CDK5RAP1: variants seen among roughly 807,000 people sequenced by gnomAD.
The protein encoded by CDK5RAP1 is CDK5RAP1 mitochondrial tRNA methylthiotransferase, also known as mitochondrial tRNA methylthiotransferase CDK5RAP1.
Under a neutral mutation model 64.5 loss-of-function variants are expected in CDK5RAP1, and 62 were observed. The ratio of observed to expected loss-of-function variants is 0.96; its 90% CI spans 0.78 to 1.19. CDK5RAP1 has a LOEUF of 1.19. Ranked by LOEUF, CDK5RAP1 falls within the 50% of genes most tolerant of loss-of-function variation. The pLI, the probability that CDK5RAP1 is intolerant of heterozygous loss-of-function variation, is 0.00. For synonymous variants in CDK5RAP1, 250 were observed against 261.9 expected, an observed-to-expected ratio of 0.95 and a Z score of 0.44; for missense variants, 657 against 735.0, an observed-to-expected ratio of 0.89 and a Z score of 1.23.
chr20:33,375,615 C>CA (rs1012543278), intron 8 of CDK5RAP1, among the ~76,000 whole-genome samples: 1 of 151,714 alleles, frequency 6.6e-6, no homozygotes, highest in South Asian at 2.1e-4. Context: ...AAAAAACCTC[C>CA]AAAAAAAGGT....
In CDK5RAP1 at chr20:33,377,026, G is replaced by A. The variant is rs1393371464; in HGVS notation, c.1107+2435C>T. On this transcript the variant is annotated intron_variant, in intron 8 of 13. Transcript: ENST00000346416. ...CACTGGCTTCAACTTAAAGTCACCA[G>A]CTGCCTTGGCCCCTAACAAGAGAGT... is the stretch of plus-strand genomic sequence containing the variant. 9.2e-5 allele frequency among the ~76,000 whole-genome samples: 14 copies of A among 152,086 alleles called. 1 individual carries two copies.
In CDK5RAP1 at chr20:33,385,647, C is replaced by T. The variant is rs1325752771; in HGVS notation, c.876+3G>A. 1.2e-6 allele frequency: 2 copies of T among 1,613,990 alleles called. No homozygotes were observed. The highest frequency in any genetic ancestry group is 8.5e-7 in the Non-Finnish European group (1 of 1,179,918). ...CAGCAAGAAAGCCTGGAGAACTCTT[C>T]ACCTGCTCAGAAAGCTTCTTCACTT... is the stretch of plus-strand genomic sequence containing the variant. On this transcript the variant is annotated splice_donor_region_variant and intron_variant, in intron 7 of 13. Coordinates refer to ENST00000346416, the MANE Select transcript of CDK5RAP1 (RefSeq NM_016408.4).
intron 7 of CDK5RAP1, among the ~76,000 whole-genome samples, chr20:33,383,746 A>AG (rs1445901465): frequency 1.3e-5 from 2 of 149,546 alleles, no homozygotes; most frequent in Non-Finnish European, 3.0e-5. Context: ...TGTCTCAAAA[A>AG]AAAAAAAAAA....
chr20:33,385,162 T>A (rs1201110891), intron 7 of CDK5RAP1, among the ~76,000 whole-genome samples: 1 of 152,200 alleles, frequency 6.6e-6, no homozygotes, highest in East Asian at 1.9e-4. Context: ...CTTACTCCCC[T>A]CATCTATTCT....
At chr20:33,392,886 C>CTT (rs11484160) in intron 4 of CDK5RAP1, among the ~76,000 whole-genome samples, 27 of 144,910 alleles carry the variant, frequency 1.9e-4, no homozygotes, top group Middle Eastern at 3.5e-3. Flanking sequence ...GCAATTTCTC[C>CTT]TTTTTTTTTT....
In CDK5RAP1 at chr20:33,395,106, C is replaced by T. The variant is rs960178974; in HGVS notation, c.315G>A (p.Glu105=). ...LLGRQRKVYL[E]TYGCQMNVND... is the part of the protein sequence containing the mutation. ...TCACATTCATCTGGCAGCCATAGGT[C>T]TCGAGGTAGACTGCAGTGAGAGGTT... Residue 105 remains glutamate, a synonymous_variant, in exon 3 of 14, where the codon GAG becomes GAA. Transcript: ENST00000346416. The T allele has an allele frequency of 1.2e-6, 2 of 1,609,994 alleles. No individual in the cohort carries two copies. Among genetic ancestry groups the T allele is most frequent in the Non-Finnish European group, 1.7e-6 (2 of 1,176,352 alleles).
intron 5 of CDK5RAP1, among the ~76,000 whole-genome samples, chr20:33,391,434 C>T (rs1440158253): frequency 2.6e-5 from 4 of 152,090 alleles, no homozygotes; most frequent in Non-Finnish European, 5.9e-5. Context: ...TAAATAGCCA[C>T]ATGTGGCTAG....
intron 5 of CDK5RAP1, among the ~76,000 whole-genome samples, chr20:33,389,426 G>C (rs533248780): frequency 6.6e-6 from 1 of 151,566 alleles, no homozygotes; most frequent in East Asian, 2.0e-4. Flanking sequence ...CCCTCCGCCC[G>C]GCAGCTGCCC....
At chr20:33,391,635 A>T (rs1186064832) in intron 5 of CDK5RAP1, among the ~76,000 whole-genome samples, 1 of 152,146 alleles carries the variant, frequency 6.6e-6, no homozygotes, top group Non-Finnish European at 1.5e-5. Context: ...CAGCCTGACC[A>T]ACATGGGGAA....
intron 12 of CDK5RAP1, among the ~76,000 whole-genome samples, chr20:33,361,357 A>G (rs1982881747): frequency 6.6e-6 from 1 of 152,194 alleles, no homozygotes; most frequent in Non-Finnish European, 1.5e-5. Context: ...AAAGCGGAAA[A>G]AGAATTTCAG....
chr20:33,395,079 A>G lies in CDK5RAP1; in HGVS notation c.342T>C (p.Asn114=), dbSNP rs1045759102. The G allele has an allele frequency of 1.2e-6, 2 of 1,613,646 alleles. No homozygotes were observed. The highest frequency in any genetic ancestry group is 4.5e-5 in the East Asian group (2 of 44,898). The change falls in exon 3 of 14, where the codon AAT becomes AAC. Residue 114 remains asparagine, a synonymous_variant. Transcript: ENST00000346416. ...AGATGGACCAGGCTATCTCTGTGTC[A>G]TTCACATTCATCTGGCAGCCATAGG... is the stretch of plus-strand genomic sequence containing the variant. ...LETYGCQMNV[N]DTEIAWSILQ... is the part of the protein sequence containing the mutation.
Position 33,387,360 on chromosome 20 carries a change from G to A in CDK5RAP1, c.718C>T (p.Pro240Ser). Residue 240 changes from proline to serine, a missense_variant, in exon 6 of 14, where the codon CCA becomes TCA. Transcript: ENST00000346416. ...GTGGCACTGGCGCTTGTCTGGACTG[G>A]CATGACATCAGCATAGGTCTCGTCC... The part of the protein sequence containing the change: ...SLDETYADVM[P>S]VQTSASATSA... The A allele has an allele frequency of 6.2e-7, 1 of 1,614,090 alleles. No individual in the cohort carries two copies. Among genetic ancestry groups the A allele is most frequent in the Admixed American group, 1.7e-5 (1 of 60,000 alleles).
At chr20:33,386,459 A>G (rs1987438316) in intron 6 of CDK5RAP1, among the ~76,000 whole-genome samples, 1 of 152,202 alleles carries the variant, frequency 6.6e-6, no homozygotes, top group South Asian at 2.1e-4. Flanking sequence ...CATCCAGACC[A>G]GAAAAAAATA....
At chr20:33,363,242 C>T (rs775375181) in intron 12 of CDK5RAP1, among the ~76,000 whole-genome samples, 7 of 152,092 alleles carry the variant, frequency 4.6e-5, no homozygotes, top group South Asian at 2.1e-4. Context: ...GAAATAATGA[C>T]GAACCATCCT....
intron 1 of CDK5RAP1, 31 bp from the exon 2 acceptor site, chr20:33,397,115 T>C: frequency 7.3e-6 from 11 of 1,511,182 alleles, no homozygotes; most frequent in Non-Finnish European, 9.8e-6. Context: ...TCACCAGCAT[T>C]TATTGAACAC....
chr20:33,400,273 G>T (rs117717292), intron 1 of CDK5RAP1, among the ~76,000 whole-genome samples: 179 of 152,316 alleles, frequency 1.2e-3, no homozygotes, highest in Non-Finnish European at 1.7e-3. Context: ...TGCTATACAC[G>T]TGTAAAGAGC....
intron 4 of CDK5RAP1, 90 bp from the exon 5 acceptor site, chr20:33,392,332 C>T (rs948107733): frequency 7.6e-6 from 5 of 661,316 alleles, no homozygotes; most frequent in Admixed American, 2.9e-5. Flanking sequence ...ATAAAAACCA[C>T]CTTCAACCCT....
intron 7 of CDK5RAP1, among the ~76,000 whole-genome samples, chr20:33,385,278 A>G (rs1391555951): frequency 6.6e-6 from 1 of 152,236 alleles, no homozygotes; most frequent in Admixed American, 6.5e-5. Flanking sequence ...GCTATGTGCC[A>G]GGTAATTTAA....
chr20:33,384,896 C>T (rs754059302), intron 7 of CDK5RAP1, among the ~76,000 whole-genome samples: 3 of 151,964 alleles, frequency 2.0e-5, no homozygotes, highest in Non-Finnish European at 2.9e-5. Context: ...AGTGAAAGCC[C>T]GTCTCAAAAA....
Sources: gnomAD v4.1 joint callset for allele counts (sites outside exome capture counted in the v4.1 genomes callset) on GRCh38, gnomAD v4.1.1 for gene constraint, MANE v1.5 for transcripts, NCBI Gene and HGNC (gene_info 2026-07-23, HGNC 2026-07-21) for gene names.